ALKBH5: variants seen among roughly 807,000 people sequenced by gnomAD.
The protein encoded by ALKBH5 is RNA demethylase ALKBH5.
In ALKBH5, 2 loss-of-function variants were observed where a neutral mutation model predicts 32.1. The observed-to-expected ratio is 0.06, with a 90% CI of 0.03 to 0.20. The LOEUF is 0.20. Ranked by LOEUF, ALKBH5 falls within the 10% of genes least tolerant of loss-of-function variation. The pLI, the probability that ALKBH5 is intolerant of heterozygous loss-of-function variation, is 1.00. For missense variants in ALKBH5, 352 were observed against 559.5 expected (o/e 0.63, Z 3.74); for synonymous variants, 300 against 231.7 (o/e 1.29, Z -2.68).
At chr17:18,207,977 G>A (rs1257457214) in intron 3 of ALKBH5, among the ~76,000 whole-genome samples, 7 of 152,142 alleles carry the variant, frequency 4.6e-5, no homozygotes, top group Non-Finnish European at 4.4e-5. Flanking sequence ...CAGTGTCCCA[G>A]GGCACCAGAC....
At chr17:18,206,016 T>C (rs183526959) in intron 2 of ALKBH5, among the ~76,000 whole-genome samples, 3 of 152,274 alleles carry the variant, frequency 2.0e-5, no homozygotes, top group Non-Finnish European at 4.4e-5. Flanking sequence ...ACAAGGAGCC[T>C]GAGGGCTTTG....
In ALKBH5 at chr17:18,194,915, G is replaced by C. The variant is rs747423309; in HGVS notation, c.771-40G>C. On this transcript the variant is annotated intron_variant, in intron 1 of 3. Transcript: ENST00000399138. ...TATCCCCCAGGAACTTTGGTTGTCT[G>C]TCTACTCTTCATGGTCACATGTTCT... is the stretch of plus-strand genomic sequence containing the variant. 9.4e-6 allele frequency: 15 copies of C among 1,600,096 alleles called. No homozygotes were observed. In the Admixed American group the frequency reaches 2.2e-4, roughly 23 times the overall value.
chr17:18,184,259 G>C lies in ALKBH5; in HGVS notation c.16G>C (p.Gly6Arg), dbSNP rs913465156. The C allele has an allele frequency of 1.3e-6, 2 of 1,519,772 alleles. No homozygotes were observed. The highest frequency in any genetic ancestry group is 8.8e-7 in the Non-Finnish European group (1 of 1,138,258). 94.1% of individuals were successfully genotyped at this position (1,519,772 alleles called of 1,614,324 possible). A position where few individuals can be genotyped will look rare whatever the true frequency, so the allele number is the denominator to read the frequency against. Reference sequence around the variant, plus strand: ...CGTGGGGGCCATGGCGGCCGCCAGCGGCTACACGGACCTGCGTGAGAAGCT... The same window carrying C: ...CGTGGGGGCCATGGCGGCCGCCAGCCGCTACACGGACCTGCGTGAGAAGCT... MAAAS[G>R]YTDLREKLKS... The change falls in exon 1 of 4, where the codon GGC becomes CGC. Residue 6 changes from glycine to arginine, a missense_variant. Transcript: ENST00000399138.
chr17:18,193,167 A>G (rs1438285408), intron 1 of ALKBH5, among the ~76,000 whole-genome samples: 2 of 151,586 alleles, frequency 1.3e-5, no homozygotes, highest in Admixed American at 6.6e-5. Context: ...TAGCCTGTCT[A>G]CTGTCTCTTA....
chr17:18,196,732 A>T (rs2047206631), intron 2 of ALKBH5, among the ~76,000 whole-genome samples: 1 of 152,284 alleles, frequency 6.6e-6, no homozygotes, highest in East Asian at 1.9e-4. Flanking sequence ...TTCCTTGTCC[A>T]TACTGTACCC....
chr17:18,187,943 ATT>A lies in ALKBH5; in HGVS notation c.770+2932_770+2933del, dbSNP rs568649856. Reference sequence around the variant, plus strand: ...CCGCATGGCAAGAATACAATTTTATATTTAATAGTGATCAGCATGGATGTTGG... The same window carrying A: ...CCGCATGGCAAGAATACAATTTTATATAATAGTGATCAGCATGGATGTTGG... On this transcript the variant is annotated intron_variant, in intron 1 of 3. Coordinates refer to ENST00000399138, the MANE Select transcript of ALKBH5 (RefSeq NM_017758.4). Among the ~76,000 whole-genome samples the A allele has an allele frequency of 8.3e-4, 126 of 152,292 alleles. 1 individual carries two copies. The highest frequency in any genetic ancestry group is 3.4e-3 in the Middle Eastern group (1 of 294).
Position 18,208,207 on chromosome 17 carries a change from C to G in ALKBH5, c.1008-12C>G. 1 of 1,598,956 alleles carries G rather than the reference C, an allele frequency of 6.3e-7. No individual in the cohort carries two copies. Among genetic ancestry groups the G allele is most frequent in the Non-Finnish European group, 8.5e-7 (1 of 1,171,712 alleles). ...GCCTCTCAGATAACGTCCTACCTCC[C>G]TTTCCTTGCAGGCCACGGATCCTGG... is the stretch of plus-strand genomic sequence containing the variant. On this transcript the variant is annotated splice_polypyrimidine_tract_variant and intron_variant, in intron 3 of 3. Transcript: ENST00000399138.
chr17:18,208,417 G>T lies in ALKBH5; in HGVS notation c.*21G>T. 6.2e-7 allele frequency: 1 copy of T among 1,610,490 alleles called. No individual in the cohort carries two copies. ...ACTGAGTCTACCCGCCGCCCTCCTG[G>T]GAACTCTGGCTCATCCTTACGTAGT... On this transcript the variant is annotated 3_prime_UTR_variant, in exon 4 of 4. Transcript: ENST00000399138.
intron 1 of ALKBH5, among the ~76,000 whole-genome samples, chr17:18,193,493 G>A (rs2142475773): frequency 6.6e-6 from 1 of 151,908 alleles, no homozygotes; most frequent in South Asian, 2.1e-4. Context: ...GTTGCAGTGA[G>A]CCGAGATTGT....
intron 1 of ALKBH5, among the ~76,000 whole-genome samples, chr17:18,187,704 C>T (rs780480761): frequency 6.6e-6 from 1 of 152,136 alleles, no homozygotes; most frequent in African/African-American, 2.4e-5. Flanking sequence ...TAGTAGTGCC[C>T]GTCGTCAAAT....
intron 2 of ALKBH5, among the ~76,000 whole-genome samples, chr17:18,202,562 TG>T (rs987938319): frequency 8.5e-5 from 13 of 152,222 alleles, no homozygotes; most frequent in East Asian, 1.9e-4. Context: ...CTCGCTTTGT[TG>T]GAAAGCCAAG....
Position 18,208,554 on chromosome 17 carries a change from G to A in ALKBH5, c.*158G>A, listed in dbSNP as rs1378602. 511,114 of 884,632 alleles carry A rather than the reference G, an allele frequency of 0.58. 154,986 individuals are homozygous for A. Among genetic ancestry groups the A allele is most frequent in the African/African-American group, 0.67 (40,145 of 59,540 alleles). The allele number at this position is 884,632 out of a possible 1,614,324, so 54.8% of individuals were successfully genotyped here. ...TTTTCCTTGGTTTTGTTGCCTGTTA[G>A]GGCTGAAGAATAGAATTGGCCAGGA... On this transcript the variant is annotated 3_prime_UTR_variant, in exon 4 of 4. Transcript: ENST00000399138.
At chr17:18,203,070 T>TAA (rs1597842004) in intron 2 of ALKBH5, among the ~76,000 whole-genome samples, 1 of 120,692 alleles carries the variant, frequency 8.3e-6, no homozygotes, top group Admixed American at 7.9e-5. Flanking sequence ...AGATTGTCTT[T>TAA]TAAAAAAAAA....
Position 18,208,809 on chromosome 17 carries a change from T to C in ALKBH5, c.*413T>C, listed in dbSNP as rs2047287162. The C allele has an allele frequency of 3.2e-6, 1 of 315,022 alleles. No individual in the cohort carries two copies. Among genetic ancestry groups the C allele is most frequent in the South Asian group, 2.6e-5 (1 of 38,400 alleles). The allele number at this position is 315,022 out of a possible 1,614,324, so 19.5% of individuals were successfully genotyped here. A position where few individuals can be genotyped will look rare whatever the true frequency, so the allele number is the denominator to read the frequency against. Reference sequence around the variant, plus strand: ...GCAGTGTTCTAAACAAAGTTCAGTCTTCTGCTCGCCCCTTTCCCTCACTGA... The same window carrying C: ...GCAGTGTTCTAAACAAAGTTCAGTCCTCTGCTCGCCCCTTTCCCTCACTGA... On this transcript the variant is annotated 3_prime_UTR_variant, in exon 4 of 4. Transcript: ENST00000399138.
intron 2 of ALKBH5, among the ~76,000 whole-genome samples, chr17:18,201,711 C>G (rs994033843): frequency 1.3e-5 from 2 of 151,172 alleles, no homozygotes; most frequent in African/African-American, 4.9e-5. Context: ...CACCACTGCA[C>G]TCCAGCTTGG....
chr17:18,189,605 C>T (rs1370379711), intron 1 of ALKBH5, among the ~76,000 whole-genome samples: 1 of 152,184 alleles, frequency 6.6e-6, no homozygotes, highest in Non-Finnish European at 1.5e-5. Flanking sequence ...ACCGCCTCCA[C>T]AACAAAATCC....
At chr17:18,200,055 C>T (rs910478126) in intron 2 of ALKBH5, among the ~76,000 whole-genome samples, 3 of 150,622 alleles carry the variant, frequency 2.0e-5, no homozygotes, top group East Asian at 1.9e-4. Flanking sequence ...CGAGATTGTA[C>T]CATTGCACTC....
At position 18,208,249 on chromosome 17, in the gene ALKBH5, G is replaced by C; in HGVS notation, c.1038G>C (p.Glu346Asp). The C allele has an allele frequency of 6.2e-7, 1 of 1,612,644 alleles. No individual in the cohort carries two copies. ...RPRILEMDKE[E>D]NRRSVLLPTH... Reference sequence around the variant, plus strand: ...GGATCCTGGAGATGGACAAGGAAGAGAACCGGCGCTCGGTGCTGCTGCCCA... The same window carrying C: ...GGATCCTGGAGATGGACAAGGAAGACAACCGGCGCTCGGTGCTGCTGCCCA... Residue 346 changes from glutamate (E) to aspartate (D), a missense_variant, in exon 4 of 4, where the codon GAG becomes GAC. By Grantham distance (45) the Glu-to-Asp change is conservative. Coordinates refer to ENST00000399138, the MANE Select transcript of ALKBH5 (RefSeq NM_017758.4).
At chr17:18,187,018 C>G (rs1201546708) in intron 1 of ALKBH5, among the ~76,000 whole-genome samples, 3 of 152,056 alleles carry the variant, frequency 2.0e-5, no homozygotes, top group East Asian at 1.9e-4. Flanking sequence ...ACTCAGTGAT[C>G]CCCTGCTCTC....
Sources: gnomAD v4.1 joint callset for allele counts (sites outside exome capture counted in the v4.1 genomes callset) on GRCh38, gnomAD v4.1.1 for gene constraint, MANE v1.5 for transcripts, NCBI Gene and HGNC (gene_info 2026-07-23, HGNC 2026-07-21) for gene names.